The following LAMA3 variants were observed in gnomAD, a reference collection of about 807,000 sequenced individuals.
The protein encoded by LAMA3 is laminin subunit alpha-3.
A neutral mutation model predicts 402.0 loss-of-function variants in LAMA3; 281 were observed. That is an observed-to-expected ratio of 0.70 (90% CI 0.63 to 0.77). The LOEUF is 0.77. LAMA3 is among the 30% of genes least tolerant of loss of function. LAMA3 has a pLI of 0.00. For missense variants in LAMA3, 3,840 were observed against 4,215.5 expected (o/e 0.91, Z 2.47); for synonymous variants, 1,431 against 1,558.4 (o/e 0.92, Z 1.93).
chr18:23,858,874 T>C lies in LAMA3; in HGVS notation c.4422+45T>C, dbSNP rs756015721. 3.8e-6 allele frequency: 6 copies of C among 1,589,584 alleles called. No individual in the cohort carries two copies. In the South Asian group the frequency reaches 6.6e-5, roughly 18 times the overall value. ...GCTGGGGAACATTTTGTACATGGAT[T>C]TGTTAAATGATAAGCATATCCCTCG... is the stretch of plus-strand genomic sequence containing the variant. On this transcript the variant is annotated intron_variant, in intron 34 of 74. Coordinates refer to ENST00000313654, the MANE Select transcript of LAMA3 (RefSeq NM_198129.4).
intron 1 of LAMA3, among the ~76,000 whole-genome samples, chr18:23,692,333 A>G (rs2060604905): frequency 6.6e-6 from 1 of 152,216 alleles, no homozygotes; most frequent in Non-Finnish European, 1.5e-5. Context: ...GTGCAGTGGC[A>G]CGGTCTCAGC....
intron 23 of LAMA3, among the ~76,000 whole-genome samples, chr18:23,830,698 C>T (rs1046660785): frequency 3.9e-5 from 6 of 152,162 alleles, no homozygotes; most frequent in African/African-American, 7.2e-5. Flanking sequence ...TTTGCAGGCT[C>T]ATCCTCCTCT....
intron 6 of LAMA3, 85 bp from the exon 7 acceptor site, chr18:23,758,311 T>G (rs1312541960): frequency 1.1e-6 from 1 of 902,700 alleles, no homozygotes; most frequent in Non-Finnish European, 1.8e-6. Flanking sequence ...CCGTGATGAC[T>G]CGTGTGTCAG....
intron 20 of LAMA3, 107 bp from the exon 21 acceptor site, chr18:23,824,316 A>T: frequency 1.8e-6 from 2 of 1,119,008 alleles, no homozygotes; most frequent in South Asian, 1.3e-5. Flanking sequence ...AGTACATATC[A>T]TCTTAAACTT....
intron 62 of LAMA3, among the ~76,000 whole-genome samples, chr18:23,927,860 T>A (rs547470599): frequency 6.6e-6 from 1 of 152,306 alleles, no homozygotes; most frequent in African/African-American, 2.4e-5. Context: ...TCTGTCTCTT[T>A]ACCTTTTGCG....
chr18:23,770,196 ACAT>A lies in LAMA3; in HGVS notation c.1183-3298_1183-3296del, dbSNP rs144962465. ...TGGCAATTTATAAAACTAGACAAAA[ACAT>A]CAACAATAACCATGAAAAATTGACA... On this transcript the variant is annotated intron_variant, in intron 8 of 74. Transcript: ENST00000313654. Among the ~76,000 whole-genome samples, 989 of 152,296 alleles carry A rather than the reference ACAT, an allele frequency of 6.5e-3. 15 individuals carry two copies. Among genetic ancestry groups the A allele is most frequent in the African/African-American group, 0.022 (930 of 41,578 alleles).
chr18:23,776,415 A>G (rs941441789), intron 10 of LAMA3, among the ~76,000 whole-genome samples: 1 of 152,176 alleles, frequency 6.6e-6, no homozygotes, highest in African/African-American at 2.4e-5. Context: ...AAAAATACAT[A>G]TCTGTCAGAA....
chr18:23,810,609 C>A (rs957252822), intron 13 of LAMA3, 106 bp downstream of exon 13: 14 of 1,240,914 alleles, frequency 1.1e-5, no homozygotes, highest in South Asian at 3.7e-5. Flanking sequence ...CACTGGCCAC[C>A]CCCACATCCT....
In LAMA3 at chr18:23,810,408, G is replaced by A; in HGVS notation, c.1646G>A (p.Ser549Asn). Residue 549 changes from serine (S) to asparagine (N), a missense_variant, in exon 13 of 75, where the codon AGC becomes AAC. Ser to Asn is a conservative substitution (Grantham distance 46). Coordinates refer to ENST00000313654, the MANE Select transcript of LAMA3 (RefSeq NM_198129.4). The stretch of plus-strand genomic sequence containing the variant: ...CTTGGATCCTACCAGATGCCCTGCA[G>A]CTCAGTGACTGGACAGTGTGAATGT... ...SALGSYQMPC[S>N]SVTGQCECRP... 6.2e-7 allele frequency: 1 copy of A among 1,614,206 alleles called. No homozygotes were observed. The highest frequency in any genetic ancestry group is 1.1e-5 in the South Asian group (1 of 91,084).
intron 48 of LAMA3, among the ~76,000 whole-genome samples, chr18:23,901,685 G>A (rs2081075920): frequency 1.3e-5 from 2 of 152,142 alleles, no homozygotes; most frequent in African/African-American, 4.8e-5. Context: ...TGTCAAATAT[G>A]TATACTTTTT....
intron 2 of LAMA3, among the ~76,000 whole-genome samples, chr18:23,734,351 G>A (rs12605274): frequency 0.083 from 12,573 of 152,192 alleles, 981 homozygotes; most frequent in East Asian, 0.37. Context: ...GGGATCTTCC[G>A]GACAATACAG....
At position 23,950,039 on chromosome 18, in the gene LAMA3, A is replaced by G. The variant is rs752284879; in HGVS notation, c.9522A>G (p.Val3174=). The change falls in exon 72 of 75, where the codon GTA becomes GTG. Residue 3174 remains valine, a synonymous_variant. Transcript: ENST00000313654. ...EGGHVVLAHS[V]LLGPEFKLVF... ...TTTCTCTTTTGAAAGCTCACTCTGT[A>G]TTGTTGGGGCCAGAATTTAAGCTTG... 9.0e-5 allele frequency: 146 copies of G among 1,613,948 alleles called. No individual in the cohort carries two copies. The South Asian group carries it at 1.4e-3, about 16-fold the overall frequency.
At chr18:23,900,649 T>C (rs2081041308) in intron 47 of LAMA3, among the ~76,000 whole-genome samples, 1 of 152,262 alleles carries the variant, frequency 6.6e-6, no homozygotes, top group Admixed American at 6.5e-5. Context: ...TTTTTACAGA[T>C]ACTGGTATTT....
In LAMA3 at chr18:23,916,615, C is replaced by T; in HGVS notation, c.7843C>T (p.Pro2615Ser). 1.2e-6 allele frequency: 2 copies of T among 1,614,038 alleles called. No homozygotes were observed. The highest frequency in any genetic ancestry group is 1.7e-6 in the Non-Finnish European group (2 of 1,179,886). Residue 2615 changes from proline (P) to serine (S), a missense_variant, in exon 60 of 75, where the codon CCA (proline) becomes TCA (serine). Around this residue, in one of 3 missense-constraint regions of LAMA3, gnomAD observed 840 missense variants for 981.9 expected, o/e 0.86. Coordinates refer to ENST00000313654, the MANE Select transcript of LAMA3 (RefSeq NM_198129.4). ...GTGYARVPTQ[P>S]HAPIPTFGQT... The stretch of plus-strand genomic sequence containing the variant: ...GGGCTATGCTCGAGTTCCAACTCAA[C>T]CACATGCTCCCATCCCAACCTTTGG...
chr18:23,950,135 A>C lies in LAMA3; in HGVS notation c.9618A>C (p.Leu3206Phe). The change falls in exon 72 of 75, where the codon TTA becomes TTC. Residue 3206 changes from leucine (L) to phenylalanine (F), a missense_variant. By Grantham distance (22) the Leu-to-Phe change is conservative. Coordinates refer to ENST00000313654, the MANE Select transcript of LAMA3 (RefSeq NM_198129.4). ...TCGGAAGTCAGCCCGGGAAGCACTT[A>C]TGTGTTTACCTGGAGGCAGGAAAGG... ...IHIGSQPGKH[L>F]CVYLEAGKVT... 6.2e-7 allele frequency: 1 copy of C among 1,614,012 alleles called. No homozygotes were observed. The highest frequency in any genetic ancestry group is 2.2e-5 in the East Asian group (1 of 44,868).
Position 23,810,397 on chromosome 18 carries a change from G to A in LAMA3, c.1635G>A (p.Gln545=). The change falls in exon 13 of 75, where the codon CAG becomes CAA. Residue 545 remains glutamine, a synonymous_variant. Transcript: ENST00000313654. ...ACWCSALGSY[Q]MPCSSVTGQC... is the part of the protein sequence containing the mutation. The stretch of plus-strand genomic sequence containing the variant: ...GGTGTTCAGCCCTTGGATCCTACCA[G>A]ATGCCCTGCAGCTCAGTGACTGGAC... The A allele has an allele frequency of 6.2e-7, 1 of 1,614,134 alleles. No individual in the cohort carries two copies. Among genetic ancestry groups the A allele is most frequent in the South Asian group, 1.1e-5 (1 of 91,078 alleles).
Position 23,914,558 on chromosome 18 carries a change from A to G in LAMA3, c.7478A>G (p.Gln2493Arg). 5.0e-6 allele frequency: 8 copies of G among 1,614,106 alleles called. No homozygotes were observed. The highest frequency in any genetic ancestry group is 6.8e-6 in the Non-Finnish European group (8 of 1,180,002). ...KEAVMDRVKF[Q>R]RIYQFARLNY... ...GCAGTTATGGATCGGGTGAAATTTC[A>G]GAGGTACAAGTCTGATTGACTGTAC... The change falls in exon 57 of 75, where the codon CAG becomes CGG. Residue 2493 changes from glutamine (Q) to arginine (R), a missense_variant. Around this residue, in one of 3 missense-constraint regions of LAMA3, gnomAD observed 891 missense variants for 857.5 expected, o/e 1.04. Coordinates refer to ENST00000313654, the MANE Select transcript of LAMA3 (RefSeq NM_198129.4).
intron 70 of LAMA3, among the ~76,000 whole-genome samples, 195 bp from the exon 71 acceptor site, chr18:23,949,570 T>C (rs1373853777): frequency 6.6e-6 from 1 of 152,194 alleles, no homozygotes; most frequent in East Asian, 1.9e-4. Context: ...AGGTTTTTCT[T>C]GGCACTCTGG....
At chr18:23,816,555 G>C (rs1598850591) in intron 18 of LAMA3, 68 bp downstream of exon 18, 1 of 1,282,730 alleles carries the variant, frequency 7.8e-7, no homozygotes. Context: ...TCCTGCCTGT[G>C]CTACAGCTCT....
Sources: gnomAD v4.1 joint callset for allele counts (sites outside exome capture counted in the v4.1 genomes callset) on GRCh38, gnomAD v4.1.1 for gene constraint, gnomAD v4.1.1 regional missense constraint, MANE v1.5 for transcripts, NCBI Gene and HGNC (gene_info 2026-07-23, HGNC 2026-07-21) for gene names.